ACSBG1: variants seen among roughly 807,000 people sequenced by gnomAD.
ACSBG1 encodes the protein acyl-CoA synthetase bubblegum family member 1.
Under a neutral mutation model 80.2 loss-of-function variants are expected in ACSBG1, and 39 were observed. The ratio of observed to expected loss-of-function variants is 0.49; its 90% CI spans 0.38 to 0.64. The LOEUF is 0.64. Among genes scored for constraint, ACSBG1 ranks in the 30% least tolerant of loss-of-function variants. The pLI, the probability that ACSBG1 is intolerant of heterozygous loss-of-function variation, is 0.00. For missense variants in ACSBG1, 828 were observed against 966.4 expected (o/e 0.86, Z 1.90); for synonymous variants, 392 against 379.5 (o/e 1.03, Z -0.38).
chr15:78,194,581 G>A lies in ACSBG1; in HGVS notation c.378C>T (p.Arg126=). ...AGGAGATGTGTTCCCACTTGTCCTG[G>A]CGCTTGAAGCCCAAAGCGATGAGGT... is the stretch of plus-strand genomic sequence containing the variant. ...YGDLIALGFK[R]QDKWEHISYS... is the part of the protein sequence containing the mutation. The change falls in exon 3 of 14, where the codon CGC becomes CGT. Residue 126 remains arginine (R), a synonymous_variant. Transcript: ENST00000258873. The A allele has an allele frequency of 6.2e-7, 1 of 1,614,260 alleles. No homozygotes were observed. The highest frequency in any genetic ancestry group is 8.5e-7 in the Non-Finnish European group (1 of 1,180,040).
intron 1 of ACSBG1, among the ~76,000 whole-genome samples, chr15:78,228,440 C>T (rs1382109573): frequency 6.6e-6 from 1 of 152,192 alleles, no homozygotes; most frequent in African/African-American, 2.4e-5. Flanking sequence ...AAAAAACCTG[C>T]TTGCCTTGTA....
At position 78,182,340 on chromosome 15, in the gene ACSBG1, C is replaced by T; in HGVS notation, c.894+126G>A. The T allele has an allele frequency of 6.4e-6, 9 of 1,400,076 alleles. No homozygotes were observed. The South Asian group carries it at 1.0e-4, about 16-fold the overall frequency. The allele number at this position is 1,400,076 out of a possible 1,614,324, so 86.7% of individuals were successfully genotyped here. A position where few individuals can be genotyped will look rare whatever the true frequency, so the allele number is the denominator to read the frequency against. On this transcript the variant is annotated intron_variant, in intron 7 of 13. Coordinates refer to ENST00000258873, the MANE Select transcript of ACSBG1 (RefSeq NM_015162.5). ...GGCCACAGATTGATGGGCTGTTCTA[C>T]CTATCCCAGCTCCTAGAGCAGAGGG...
At chr15:78,217,217 C>G (rs1195459174) in intron 1 of ACSBG1, among the ~76,000 whole-genome samples, 4 of 152,212 alleles carry the variant, frequency 2.6e-5, no homozygotes, top group African/African-American at 9.7e-5. Context: ...AACACATAAC[C>G]AGCACTGCGT....
Position 78,168,740 on chromosome 15 carries a change from A to C in ACSBG1, c.*2704T>G. ...GCTGTTGTATACACTATGAGATTGG[A>C]TCCCGATCCTCCTGGGCTGGGTAGA... On this transcript the variant is annotated 3_prime_UTR_variant, in exon 14 of 14. Coordinates refer to ENST00000258873, the MANE Select transcript of ACSBG1 (RefSeq NM_015162.5). The C allele has an allele frequency of 1.8e-6, 1 of 554,454 alleles. No individual in the cohort carries two copies. The highest frequency in any genetic ancestry group is 3.0e-5 in the Admixed American group (1 of 33,200). 34.3% of individuals were successfully genotyped at this position (554,454 alleles called of 1,614,324 possible).
Position 78,194,729 on chromosome 15 carries a change from G to T in ACSBG1, c.233-3C>A. On this transcript the variant is annotated splice_polypyrimidine_tract_variant and splice_region_variant and intron_variant, in intron 2 of 13. Transcript: ENST00000258873. ...CCGAGTCGTCCACAGCGCCTCCTCT[G>T]TGGGGTGGGGGAGACCACAGCTTGG... 1 of 1,611,342 alleles carries T rather than the reference G, an allele frequency of 6.2e-7. No homozygotes were observed. The highest frequency in any genetic ancestry group is 8.5e-7 in the Non-Finnish European group (1 of 1,179,714).
intron 2 of ACSBG1, among the ~76,000 whole-genome samples, chr15:78,195,059 C>T (rs1235007570): frequency 1.3e-5 from 2 of 152,214 alleles, no homozygotes; most frequent in African/African-American, 4.8e-5. Flanking sequence ...GTGGAACTGT[C>T]AGATCTCCAG....
chr15:78,181,242 G>A (rs780327374), intron 8 of ACSBG1, among the ~76,000 whole-genome samples: 15 of 152,188 alleles, frequency 9.9e-5, no homozygotes, highest in Admixed American at 3.3e-4. Flanking sequence ...GGCAGCATAT[G>A]GTTTGAGAAC....
Position 78,172,699 on chromosome 15 carries a change from C to T in ACSBG1, c.2089+894G>A, listed in dbSNP as rs184896294. Among the ~76,000 whole-genome samples the T allele has an allele frequency of 3.3e-5, 5 of 152,322 alleles. No homozygotes were observed. The highest frequency in any genetic ancestry group is 3.4e-3 in the Middle Eastern group (1 of 294). Reference sequence around the variant, plus strand: ...TCAGCTTTGCTGTAGACAATTGCATCTGGGTTCAGCCGTGATGGATTTGAG... The same window carrying T: ...TCAGCTTTGCTGTAGACAATTGCATTTGGGTTCAGCCGTGATGGATTTGAG... On this transcript the variant is annotated intron_variant, in intron 13 of 13. Transcript: ENST00000258873. This position sits in a 1 kb window ranked among gnomAD's most constrained non-coding sequence, Gnocchi z 4.1.
chr15:78,183,382 G>A (rs1434953551), intron 5 of ACSBG1, among the ~76,000 whole-genome samples: 1 of 151,870 alleles, frequency 6.6e-6, no homozygotes, highest in African/African-American at 2.4e-5. Context: ...TTCGAGACCA[G>A]CCTGGTCAAC....
intron 2 of ACSBG1, among the ~76,000 whole-genome samples, chr15:78,197,941 ATTCACCTG>A (rs1275936470): frequency 1.1e-4 from 17 of 152,140 alleles, no homozygotes. Flanking sequence ...GCTCCTCTGT[ATTCACCTG>A]TTCACCCAGG....
intron 5 of ACSBG1, among the ~76,000 whole-genome samples, chr15:78,184,531 T>A (rs961982382): frequency 8.5e-5 from 13 of 152,162 alleles, no homozygotes; most frequent in African/African-American, 3.1e-4. Context: ...TTATTTGATA[T>A]ATACTGTAGG....
chr15:78,221,033 C>A (rs1448852461), intron 1 of ACSBG1, among the ~76,000 whole-genome samples: 1 of 152,194 alleles, frequency 6.6e-6, no homozygotes, highest in African/African-American at 2.4e-5. Flanking sequence ...TCATAATAGC[C>A]TAAATATTAA....
At chr15:78,233,427 C>T (rs2075465383) in intron 1 of ACSBG1, among the ~76,000 whole-genome samples, 1 of 152,300 alleles carries the variant, frequency 6.6e-6, no homozygotes, top group Admixed American at 6.5e-5. Context: ...ACTGGCAATT[C>T]CTCCCCATTA....
intron 5 of ACSBG1, among the ~76,000 whole-genome samples, chr15:78,183,906 T>G: frequency 6.6e-6 from 1 of 151,252 alleles, no homozygotes; most frequent in African/African-American, 2.4e-5. Flanking sequence ...CGGGGAACAC[T>G]ACAAAATTTT....
At chr15:78,190,065 GTGGGTA>G (rs1290561560) in intron 5 of ACSBG1, among the ~76,000 whole-genome samples, 1 of 152,090 alleles carries the variant, frequency 6.6e-6, no homozygotes, top group Non-Finnish European at 1.5e-5. Flanking sequence ...TGGCAAAAAT[GTGGGTA>G]AATATGAAAC....
intron 1 of ACSBG1, among the ~76,000 whole-genome samples, chr15:78,231,879 G>T (rs1407059108): frequency 6.6e-6 from 1 of 152,198 alleles, no homozygotes; most frequent in Admixed American, 6.5e-5. Flanking sequence ...ATGAGCCACT[G>T]CACCTGGCTC....
chr15:78,207,925 A>ACCCCCCCCCCCC, intron 2 of ACSBG1, 77 bp downstream of exon 2: 11 of 454,976 alleles, frequency 2.4e-5, no homozygotes, highest in East Asian at 1.2e-4. Flanking sequence ...GGTCCCCCAC[A>ACCCCCCCCCCCC]CCACCCACCC....
chr15:78,176,548 A>C (rs542045795), intron 11 of ACSBG1, among the ~76,000 whole-genome samples: 1 of 152,350 alleles, frequency 6.6e-6, no homozygotes, highest in South Asian at 2.1e-4. Context: ...GAGCTGAAAA[A>C]AAAATTTTAA....
chr15:78,213,246 G>T (rs1277777309), intron 1 of ACSBG1, among the ~76,000 whole-genome samples: 3 of 152,210 alleles, frequency 2.0e-5, no homozygotes, highest in African/African-American at 7.2e-5. Flanking sequence ...ATTCACGCTA[G>T]CTTCCCCATC....
Sources: allele counts gnomAD v4.1 joint callset (sites outside exome capture counted in the v4.1 genomes callset), GRCh38; gene constraint gnomAD v4.1.1; non-coding constraint Gnocchi (gnomAD v3.1); transcripts MANE v1.5; gene names NCBI Gene and HGNC (gene_info 2026-07-23, HGNC 2026-07-21).